Variants in SLC71A1 observed in about 807,000 individuals in gnomAD.
SLC71A1 encodes hippocampus abundant gene transcript 1.
the SLC71A1 span, among the ~76,000 whole-genome samples, chr1:100,042,625 G>T: frequency 1.7e-4 from 25 of 147,046 alleles, no homozygotes; most frequent in Admixed American, 6.8e-5. Context: ...TTTTTCTTTT[G>T]AGACAGAGTT....
At chr1:100,059,909 T>A in the SLC71A1 span, 1 of 1,613,100 alleles carries the variant, frequency 6.2e-7, no homozygotes, top group Non-Finnish European at 8.5e-7. Flanking sequence ...GCCCCGCTTA[T>A]TGGTGCTCTT....
the SLC71A1 span, among the ~76,000 whole-genome samples, chr1:100,041,954 G>A: frequency 6.6e-6 from 1 of 151,844 alleles, no homozygotes; most frequent in Non-Finnish European, 1.5e-5. Flanking sequence ...TTAGTTACAG[G>A]TTTTCATGTA....
the SLC71A1 span, among the ~76,000 whole-genome samples, chr1:100,051,436 T>C: frequency 7.9e-5 from 12 of 151,044 alleles, no homozygotes; most frequent in Non-Finnish European, 2.9e-5. Flanking sequence ...TCATGAGTAT[T>C]GCTATAAAAA....
At chr1:100,039,081 C>T in the SLC71A1 span, among the ~76,000 whole-genome samples, 6 of 152,212 alleles carry the variant, frequency 3.9e-5, no homozygotes, top group Admixed American at 1.3e-4. Flanking sequence ...GTTGTCATCA[C>T]AGTAAACTTT....
chr1:100,074,629 A>AG, the SLC71A1 span, among the ~76,000 whole-genome samples: 4 of 151,988 alleles, frequency 2.6e-5, no homozygotes, highest in East Asian at 5.8e-4. Flanking sequence ...CTGAGATACC[A>AG]GCACTTTGGG....
At chr1:100,051,899 T>C in the SLC71A1 span, among the ~76,000 whole-genome samples, 1 of 152,228 alleles carries the variant, frequency 6.6e-6, no homozygotes, top group Non-Finnish European at 1.5e-5. Flanking sequence ...TACATTATCA[T>C]TTTTCATCCT....
chr1:100,058,806 C>A, the SLC71A1 span: 1 of 739,702 alleles, frequency 1.4e-6, no homozygotes, highest in Non-Finnish European at 2.3e-6. Flanking sequence ...TACATAAATA[C>A]ATATATATAA....
the SLC71A1 span, among the ~76,000 whole-genome samples, chr1:100,052,459 C>T: frequency 2.3e-3 from 306 of 130,624 alleles, no homozygotes; most frequent in African/African-American, 8.1e-3. Context: ...GACGGAGTCT[C>T]GCTCTGTCTG....
chr1:100,049,708 C>T, the SLC71A1 span, among the ~76,000 whole-genome samples: 1 of 152,142 alleles, frequency 6.6e-6, no homozygotes, highest in African/African-American at 2.4e-5. Context: ...GCATACTGTG[C>T]TTATGCTAAT....
At chr1:100,054,039 T>G in the SLC71A1 span, among the ~76,000 whole-genome samples, 5 of 149,112 alleles carry the variant, frequency 3.4e-5, no homozygotes, top group African/African-American at 7.5e-5. Flanking sequence ...TTTTTTTCTT[T>G]CCTTTTTTTT....
At chr1:100,078,745 A>G in the SLC71A1 span, 1 of 489,268 alleles carries the variant, frequency 2.0e-6, no homozygotes, top group East Asian at 3.3e-5. Context: ...CTCACTTAGA[A>G]TATGTGGCTT....
At chr1:100,077,171 G>A in the SLC71A1 span, 1 of 1,275,792 alleles carries the variant, frequency 7.8e-7, no homozygotes, top group Non-Finnish European at 1.1e-6. Context: ...TCAGACCATA[G>A]TCTTGAGTTT....
chr1:100,055,372 C>G, the SLC71A1 span, among the ~76,000 whole-genome samples: 2 of 137,508 alleles, frequency 1.5e-5, no homozygotes, highest in Non-Finnish European at 3.1e-5. Context: ...GTAGTTGCTT[C>G]TGGCAACTTT....
chr1:100,077,428 A>G, the SLC71A1 span: 2 of 570,150 alleles, frequency 3.5e-6, no homozygotes, highest in African/African-American at 4.0e-5. Context: ...TGCCACTTGT[A>G]TATTTATATG....
At chr1:100,058,240 T>C in the SLC71A1 span, among the ~76,000 whole-genome samples, 1 of 152,240 alleles carries the variant, frequency 6.6e-6, no homozygotes, top group Non-Finnish European at 1.5e-5. Flanking sequence ...CCCAATCTCC[T>C]ATCCTAGATA....
chr1:100,051,322 T>C, the SLC71A1 span, among the ~76,000 whole-genome samples: 4 of 151,972 alleles, frequency 2.6e-5, no homozygotes. Context: ...ACCCGGGAAG[T>C]GGAGGTTGCA....
At chr1:100,038,602 C>T in the SLC71A1 span, among the ~76,000 whole-genome samples, 1 of 152,142 alleles carries the variant, frequency 6.6e-6, no homozygotes, top group Non-Finnish European at 1.5e-5. Flanking sequence ...CCCACGTGCG[C>T]CTCCGCCGCG....
chr1:100,054,222 TA>T, the SLC71A1 span, among the ~76,000 whole-genome samples: 1 of 151,490 alleles, frequency 6.6e-6, no homozygotes, highest in Non-Finnish European at 1.5e-5. Context: ...TTTTTTTTAT[TA>T]TTTTTTTTGA....
At chr1:100,076,657 A>G in the SLC71A1 span, among the ~76,000 whole-genome samples, 3 of 152,224 alleles carry the variant, frequency 2.0e-5, no homozygotes, top group East Asian at 3.8e-4. Flanking sequence ...AGTCTGCTGT[A>G]TAGTATACTG....
Sources: allele counts gnomAD v4.1 joint callset (sites outside exome capture counted in the v4.1 genomes callset), GRCh38; gene constraint gnomAD v4.1.1; transcripts MANE v1.5; gene names NCBI Gene and HGNC (gene_info 2026-07-23, HGNC 2026-07-21).